Variants in INSYN2B observed in about 807,000 individuals in gnomAD.
The protein encoded by INSYN2B is protein INSYN2B.
A neutral mutation model predicts 41.2 loss-of-function variants in INSYN2B; 16 were observed. The observed-to-expected ratio is 0.39, with a 90% CI of 0.26 to 0.59. The LOEUF (loss-of-function observed/expected upper bound fraction) is 0.59. Ranked by LOEUF, INSYN2B falls within the 20% of genes least tolerant of loss-of-function variation. The probability of loss-of-function intolerance (pLI) is 0.57; values close to 1 mark genes in which losing one functional copy is unlikely to be tolerated. For synonymous variants in INSYN2B, 245 were observed against 244.4 expected (o/e 1.00, Z -0.02); for missense variants, 608 against 646.4 (o/e 0.94, Z 0.64).
intron 1 of INSYN2B, among the ~76,000 whole-genome samples, chr5:169,946,736 A>G (rs1321982136): frequency 6.6e-6 from 1 of 152,220 alleles, no homozygotes; most frequent in Non-Finnish European, 1.5e-5. Context: ...ATAATTTCAC[A>G]CAGCGATAGG....
chr5:169,945,783 A>G (rs1432482818), intron 1 of INSYN2B, among the ~76,000 whole-genome samples: 1 of 152,224 alleles, frequency 6.6e-6, no homozygotes, highest in Non-Finnish European at 1.5e-5. Context: ...TTCAGCAGCC[A>G]GCACCTCTGG....
intron 1 of INSYN2B, among the ~76,000 whole-genome samples, chr5:169,896,518 A>G (rs1773618542): frequency 6.6e-6 from 1 of 152,236 alleles, no homozygotes. Flanking sequence ...GTAGCTAATA[A>G]TATTACTTAA....
rs1021803771 is a variant in INSYN2B at position 169,861,538 on chromosome 5, T to C, written c.*2735A>G. Among the ~76,000 whole-genome samples, 3 of 152,238 alleles carry C rather than the reference T, an allele frequency of 2.0e-5. No homozygotes were observed. Among genetic ancestry groups the C allele is most frequent in the Admixed American group, 2.0e-4 (3 of 15,284 alleles). ...GATGTATTGGTCTTTTTCCTTTCAA[T>C]TTTATAAAAGTAATTTTTGCTAAGT... On this transcript the variant is annotated 3_prime_UTR_variant, in exon 4 of 4. Transcript: ENST00000377365.
At chr5:169,946,607 T>C (rs919980645) in intron 1 of INSYN2B, among the ~76,000 whole-genome samples, 1 of 152,238 alleles carries the variant, frequency 6.6e-6, no homozygotes, top group Non-Finnish European at 1.5e-5. Flanking sequence ...TCCACCAGTC[T>C]ACTGAGGACT....
At chr5:169,974,246 A>T (rs1235195012) in intron 1 of INSYN2B, among the ~76,000 whole-genome samples, 2 of 152,254 alleles carry the variant, frequency 1.3e-5, no homozygotes, top group Non-Finnish European at 2.9e-5. Context: ...GGATTACATA[A>T]GATAAAGCTT....
chr5:169,972,586 TGATA>T (rs1554122914), intron 1 of INSYN2B, among the ~76,000 whole-genome samples: 1,526 of 68,952 alleles, frequency 0.022, 15 homozygotes, highest in Middle Eastern at 0.041. Flanking sequence ...GATAGATAGA[TGATA>T]GATAGATAGA....
intron 1 of INSYN2B, among the ~76,000 whole-genome samples, chr5:169,933,450 T>C (rs1561835306): frequency 1.3e-5 from 2 of 152,246 alleles, no homozygotes; most frequent in South Asian, 2.1e-4. Flanking sequence ...GAGCTCTTTC[T>C]GGTAAATCAG....
chr5:169,868,616 T>C (rs1375914025), intron 3 of INSYN2B, among the ~76,000 whole-genome samples: 1 of 152,020 alleles, frequency 6.6e-6, no homozygotes. Flanking sequence ...AAATTAGCCA[T>C]GTGTGGTGGT....
chr5:169,903,533 G>C (rs1445939759), intron 1 of INSYN2B, among the ~76,000 whole-genome samples: 1 of 151,636 alleles, frequency 6.6e-6, no homozygotes. Flanking sequence ...GGGGGCCGGG[G>C]GGCAGGGGGC....
In INSYN2B at chr5:169,890,582, G is replaced by A. The variant is rs533081287; in HGVS notation, c.-918-5766C>T. Among the ~76,000 whole-genome samples, 13 of 152,188 alleles carry A rather than the reference G, an allele frequency of 8.5e-5. No homozygotes were observed. The South Asian group carries it at 2.7e-3, about 32-fold the overall frequency. On this transcript the variant is annotated intron_variant, in intron 1 of 3. Coordinates refer to ENST00000377365, the MANE Select transcript of INSYN2B (RefSeq NM_001129891.3). ...CTCAGTAAGGAAAAGGGTATATTTT[G>A]GGGGTCTGCCTAAATCTACATTCTG... is the stretch of plus-strand genomic sequence containing the variant.
intron 1 of INSYN2B, among the ~76,000 whole-genome samples, chr5:169,901,889 G>C (rs1047111778): frequency 6.6e-6 from 1 of 152,156 alleles, no homozygotes; most frequent in East Asian, 1.9e-4. Flanking sequence ...TCCTCTGCAT[G>C]GTGGCCGCCT....
At chr5:169,882,486 T>C (rs1581350980) in intron 2 of INSYN2B, 67 bp downstream of exon 2, 1 of 1,338,198 alleles carries the variant, frequency 7.5e-7, no homozygotes, top group East Asian at 2.5e-5. Flanking sequence ...ACCAAAGCTG[T>C]CTCTGCCCCT....
chr5:169,979,116 G>A (rs553454799), intron 1 of INSYN2B, among the ~76,000 whole-genome samples: 2 of 152,170 alleles, frequency 1.3e-5, no homozygotes, highest in Non-Finnish European at 2.9e-5. Flanking sequence ...AAAAGAGGGG[G>A]ATTCTTGCTA....
intron 1 of INSYN2B, among the ~76,000 whole-genome samples, chr5:169,894,162 G>C (rs1277722113): frequency 6.6e-6 from 1 of 152,142 alleles, no homozygotes; most frequent in East Asian, 1.9e-4. Context: ...CTCACAACAA[G>C]TTTTGCCAAG....
At chr5:169,935,236 G>GCAGGAGCTAAGAT (rs60663179) in intron 1 of INSYN2B, among the ~76,000 whole-genome samples, 1 of 152,060 alleles carries the variant, frequency 6.6e-6, no homozygotes, top group Admixed American at 6.5e-5. Flanking sequence ...TACACTGTTT[G>GCAGGAGCTAAGAT]CTGTGAGTCA....
intron 1 of INSYN2B, among the ~76,000 whole-genome samples, chr5:169,927,862 C>T (rs1471065918): frequency 2.0e-5 from 3 of 152,128 alleles, no homozygotes; most frequent in African/African-American, 7.2e-5. Context: ...ATGATCCACC[C>T]GTCTCGGCCT....
At chr5:169,888,706 T>A (rs1417670947) in intron 1 of INSYN2B, among the ~76,000 whole-genome samples, 2 of 152,236 alleles carry the variant, frequency 1.3e-5, no homozygotes, top group Admixed American at 1.3e-4. Context: ...TTGGAACAAG[T>A]GACTTGATCT....
intron 3 of INSYN2B, among the ~76,000 whole-genome samples, chr5:169,865,361 G>T (rs963128536): frequency 4.6e-5 from 7 of 152,146 alleles, no homozygotes; most frequent in African/African-American, 7.2e-5. Context: ...GTAGGGAGTG[G>T]GTGCTGATGC....
intron 1 of INSYN2B, among the ~76,000 whole-genome samples, chr5:169,907,477 C>T (rs1774348642): frequency 6.6e-6 from 1 of 152,168 alleles, no homozygotes. Flanking sequence ...TTGCTTGGAA[C>T]ATTTTAGAAA....
Sources: allele counts gnomAD v4.1 joint callset (sites outside exome capture counted in the v4.1 genomes callset), GRCh38; gene constraint gnomAD v4.1.1; transcripts MANE v1.5; gene names NCBI Gene and HGNC (gene_info 2026-07-23, HGNC 2026-07-21).